ADARB2: variants seen among roughly 807,000 people sequenced by gnomAD.
The protein encoded by ADARB2 is inactive double-stranded RNA-specific editase B2.
In ADARB2, 25 loss-of-function variants were observed where a neutral mutation model predicts 62.2. The ratio of observed to expected loss-of-function variants is 0.40; its 90% CI spans 0.29 to 0.56. ADARB2 has a LOEUF of 0.56. Among genes scored for constraint, ADARB2 ranks in the 20% least tolerant of loss-of-function variants. The pLI, the probability that ADARB2 is intolerant of heterozygous loss-of-function variation, is 0.43. For missense variants in ADARB2, 1,071 were observed against 1,077.4 expected (o/e 0.99, Z 0.08); for synonymous variants, 572 against 500.8 (o/e 1.14, Z -1.90).
chr10:1,427,968 T>C (rs866924492), intron 1 of ADARB2, among the ~76,000 whole-genome samples: 1 of 144,338 alleles, frequency 6.9e-6, no homozygotes, highest in African/African-American at 2.5e-5. Flanking sequence ...CCAGTCCCAT[T>C]TTTTTTTTTT....
intron 7 of ADARB2, among the ~76,000 whole-genome samples, chr10:1,211,274 CTA>C (rs1252023101): frequency 6.6e-6 from 1 of 152,150 alleles, no homozygotes; most frequent in Admixed American, 6.5e-5. Flanking sequence ...CATCTATTAA[CTA>C]TCATCTGATC....
intron 1 of ADARB2, among the ~76,000 whole-genome samples, chr10:1,582,311 C>A (rs538715840): frequency 2.8e-4 from 43 of 152,252 alleles, no homozygotes; most frequent in Non-Finnish European, 6.2e-4. Context: ...GCCTCCCATG[C>A]TCAGTCTCAG....
intron 1 of ADARB2, among the ~76,000 whole-genome samples, chr10:1,437,609 A>G (rs542235306): frequency 6.6e-5 from 10 of 152,260 alleles, no homozygotes; most frequent in African/African-American, 2.4e-4. Flanking sequence ...CCGATTGGGA[A>G]ATTATTAAGG....
At chr10:1,219,144 T>G (rs919473578) in intron 6 of ADARB2, among the ~76,000 whole-genome samples, 2 of 151,882 alleles carry the variant, frequency 1.3e-5, no homozygotes, top group East Asian at 3.9e-4. Context: ...GTGAGCTTCC[T>G]GAGGCCTCCC....
intron 1 of ADARB2, among the ~76,000 whole-genome samples, chr10:1,565,164 G>C (rs1415079055): frequency 1.3e-5 from 2 of 152,198 alleles, no homozygotes; most frequent in Non-Finnish European, 2.9e-5. Flanking sequence ...CTCTCATTGT[G>C]CTCTGGCCTG....
chr10:1,674,683 C>T (rs1489746264), intron 1 of ADARB2, among the ~76,000 whole-genome samples: 2 of 152,136 alleles, frequency 1.3e-5, no homozygotes, highest in Admixed American at 6.5e-5. Context: ...CTCTACCTGA[C>T]CGGTCCCGGA....
chr10:1,436,948 A>C (rs1184692346), intron 1 of ADARB2, among the ~76,000 whole-genome samples: 1 of 152,224 alleles, frequency 6.6e-6, no homozygotes, highest in African/African-American at 2.4e-5. Flanking sequence ...AAATCAGAAA[A>C]GTATAGTAGT....
chr10:1,648,718 T>C (rs571146855), intron 1 of ADARB2, among the ~76,000 whole-genome samples: 63 of 152,316 alleles, frequency 4.1e-4, no homozygotes, highest in African/African-American at 1.5e-3. Flanking sequence ...TTACGCTGAC[T>C]AACGAAGTCT....
chr10:1,546,683 G>A (rs11250607), intron 1 of ADARB2, among the ~76,000 whole-genome samples: 78,218 of 152,106 alleles, frequency 0.51, 21,660 homozygotes, highest in East Asian at 0.76. Flanking sequence ...GCCACGTCCC[G>A]GCTGGAGGAT....
chr10:1,242,171 ACGCC>A lies in ADARB2; in HGVS notation c.1317_1320del (p.Ala440SerfsTer13). On this transcript the variant is annotated frameshift_variant, in exon 5 of 10. Transcript: ENST00000381312. LOFTEE classifies it high-confidence loss of function. Reference sequence around the variant, plus strand: ...AGCTGCGTGTAGAGGAAGTGCAGGAACGCCCGCCGGGCCACGACCTCCGCGTGGC... The same window carrying A: ...AGCTGCGTGTAGAGGAAGTGCAGGAACGCCGGGCCACGACCTCCGCGTGGC... The A allele has an allele frequency of 6.2e-7, 1 of 1,610,358 alleles. No homozygotes were observed. The highest frequency in any genetic ancestry group is 8.5e-7 in the Non-Finnish European group (1 of 1,179,578).
At chr10:1,489,342 C>T (rs1288592247) in intron 1 of ADARB2, among the ~76,000 whole-genome samples, 3 of 148,226 alleles carry the variant, frequency 2.0e-5, no homozygotes, top group African/African-American at 5.0e-5. Flanking sequence ...ACCGGATGCA[C>T]CTGACCTTCC....
chr10:1,532,805 G>T (rs963515611), intron 1 of ADARB2, among the ~76,000 whole-genome samples: 1 of 152,216 alleles, frequency 6.6e-6, no homozygotes, highest in Non-Finnish European at 1.5e-5. Context: ...ACAGGCAGGA[G>T]CCTGAATGTG....
intron 8 of ADARB2, among the ~76,000 whole-genome samples, chr10:1,194,378 C>G (rs1836879337): frequency 6.6e-6 from 1 of 152,206 alleles, no homozygotes; most frequent in African/African-American, 2.4e-5. Context: ...GCCACTCCTG[C>G]TGAAACTTCC....
intron 1 of ADARB2, among the ~76,000 whole-genome samples, chr10:1,640,233 C>T (rs1054690983): frequency 1.1e-4 from 16 of 152,180 alleles, no homozygotes; most frequent in African/African-American, 3.9e-4. Context: ...TTTCCTTGGA[C>T]AATTATAGTC....
intron 6 of ADARB2, among the ~76,000 whole-genome samples, chr10:1,225,015 G>T (rs1337267751): frequency 6.6e-6 from 1 of 152,088 alleles, no homozygotes; most frequent in African/African-American, 2.4e-5. Context: ...TGACAGTGGG[G>T]TGTTAAAGTC....
At position 1,546,584 on chromosome 10, in the gene ADARB2, G is replaced by A. The variant is rs573841899; in HGVS notation, c.101-167424C>T. On this transcript the variant is annotated intron_variant, in intron 1 of 9. Coordinates refer to ENST00000381312, the MANE Select transcript of ADARB2 (RefSeq NM_018702.4). ...ACTGGAGAAGGGGCAGCAACTCTCCGTGTCCTGGGTCTCATCTGAGACAAG... is the reference window on the plus strand; with the variant it reads ...ACTGGAGAAGGGGCAGCAACTCTCCATGTCCTGGGTCTCATCTGAGACAAG... Among the ~76,000 whole-genome samples, 8 of 152,310 alleles carry A rather than the reference G, an allele frequency of 5.3e-5. No homozygotes were observed. In the South Asian group the frequency reaches 8.3e-4, roughly 16 times the overall value.
chr10:1,601,327 C>A (rs891546941), intron 1 of ADARB2, among the ~76,000 whole-genome samples: 6 of 152,188 alleles, frequency 3.9e-5, no homozygotes, highest in African/African-American at 7.2e-5. Context: ...CGGACAGAAT[C>A]CAGGTTCGGC....
chr10:1,216,840 G>A (rs935747146), intron 7 of ADARB2, 111 bp downstream of exon 7: 24 of 1,368,928 alleles, frequency 1.8e-5, no homozygotes, highest in Non-Finnish European at 2.4e-5. Flanking sequence ...GGCCCTGACC[G>A]CATGTGCCCA....
chr10:1,370,407 C>T (rs1234131594), intron 2 of ADARB2, among the ~76,000 whole-genome samples: 1 of 152,206 alleles, frequency 6.6e-6, no homozygotes, highest in Non-Finnish European at 1.5e-5. Flanking sequence ...GATGTCCACT[C>T]TCACTACTTC....
Sources: gnomAD v4.1 joint callset for allele counts (sites outside exome capture counted in the v4.1 genomes callset) on GRCh38, gnomAD v4.1.1 for gene constraint, MANE v1.5 for transcripts, NCBI Gene and HGNC (gene_info 2026-07-23, HGNC 2026-07-21) for gene names.